Variants in DLG2 observed in about 807,000 individuals in gnomAD.
DLG2 encodes the protein discs large MAGUK scaffold protein 2, also known as disks large homolog 2.
A neutral mutation model predicts 132.5 loss-of-function variants in DLG2; 45 were observed. That is an observed-to-expected ratio of 0.34 (90% CI 0.27 to 0.44). DLG2 has a LOEUF of 0.44. Ranked by LOEUF, DLG2 falls within the 20% of genes least tolerant of loss-of-function variation. The pLI is 1.00. For synonymous variants in DLG2, 424 were observed against 419.6 expected, an observed-to-expected ratio of 1.01 and a Z score of -0.13; for missense variants, 1,045 against 1,196.9, an observed-to-expected ratio of 0.87 and a Z score of 1.87.
intron 18 of DLG2, among the ~76,000 whole-genome samples, chr11:83,702,518 A>G (rs1463179879): frequency 6.6e-6 from 1 of 152,200 alleles, no homozygotes; most frequent in East Asian, 1.9e-4. Context: ...GGTGATTTAC[A>G]TGGCAGGCTT....
intron 3 of DLG2, among the ~76,000 whole-genome samples, chr11:85,567,372 T>A (rs1442923731): frequency 2.0e-5 from 3 of 152,188 alleles, no homozygotes; most frequent in Non-Finnish European, 4.4e-5. Context: ...AGTCTTTCAC[T>A]TCCCTGTTTA....
At chr11:84,631,089 T>C (rs908658950) in intron 6 of DLG2, among the ~76,000 whole-genome samples, 1 of 66,096 alleles carries the variant, frequency 1.5e-5, no homozygotes, top group Non-Finnish European at 3.0e-5. Context: ...CTGTGAGCCA[T>C]CCCCACAGAG....
chr11:83,898,001 G>A (rs1443562353), intron 15 of DLG2, among the ~76,000 whole-genome samples: 1 of 152,090 alleles, frequency 6.6e-6, no homozygotes, highest in African/African-American at 2.4e-5. Context: ...AGATAGGATT[G>A]CCCCTTAGTC....
At chr11:85,059,046 G>A (rs989587983) in intron 6 of DLG2, among the ~76,000 whole-genome samples, 11 of 151,256 alleles carry the variant, frequency 7.3e-5, no homozygotes, top group Admixed American at 2.6e-4. Context: ...TTCAAAAGTC[G>A]CCGTTAGAAA....
intron 4 of DLG2, among the ~76,000 whole-genome samples, chr11:85,183,160 C>T (rs762063067): frequency 6.6e-6 from 1 of 151,844 alleles, no homozygotes; most frequent in African/African-American, 2.4e-5. Context: ...ATTTACCTTA[C>T]TGTCTGAAGT....
chr11:84,289,849 C>G (rs1433726959), intron 7 of DLG2, among the ~76,000 whole-genome samples: 1 of 152,164 alleles, frequency 6.6e-6, no homozygotes, highest in Non-Finnish European at 1.5e-5. Context: ...TTTTAGGATA[C>G]TGTGTGATGA....
chr11:84,337,430 T>A (rs928503316), intron 7 of DLG2, among the ~76,000 whole-genome samples: 13 of 152,178 alleles, frequency 8.5e-5, no homozygotes, highest in African/African-American at 2.9e-4. Context: ...ATTACTCATA[T>A]CTCCATTGTT....
intron 6 of DLG2, among the ~76,000 whole-genome samples, chr11:84,621,491 AATGAGCCTCCC>A (rs760186158): frequency 1.2e-4 from 19 of 152,170 alleles, no homozygotes; most frequent in Non-Finnish European, 2.4e-4. Context: ...CTGAAAAATA[AATGAGCCTCCC>A]ATGTACGCCT....
At chr11:85,288,500 A>C (rs1012365749) in intron 3 of DLG2, among the ~76,000 whole-genome samples, 13 of 152,046 alleles carry the variant, frequency 8.6e-5, no homozygotes, top group Admixed American at 2.0e-4. Context: ...CTCACGTATT[A>C]ATGGAGAGAA....
chr11:85,352,557 C>A (rs1279147166), intron 3 of DLG2, among the ~76,000 whole-genome samples: 1 of 152,100 alleles, frequency 6.6e-6, no homozygotes, highest in Non-Finnish European at 1.5e-5. Context: ...CTATAAATTT[C>A]CCTCTACACT....
intron 3 of DLG2, among the ~76,000 whole-genome samples, chr11:85,491,125 T>C (rs2153106263): frequency 6.6e-6 from 1 of 152,128 alleles, no homozygotes; most frequent in East Asian, 1.9e-4. Context: ...ATACTAGAGA[T>C]GCAACAAACG....
At chr11:83,954,740 A>G (rs913878414) in intron 14 of DLG2, among the ~76,000 whole-genome samples, 2 of 152,218 alleles carry the variant, frequency 1.3e-5, no homozygotes, top group African/African-American at 4.8e-5. Flanking sequence ...CAAATTTTCC[A>G]TCAAAAAATC....
chr11:83,582,461 C>G (rs2096997520), intron 19 of DLG2, among the ~76,000 whole-genome samples: 1 of 152,196 alleles, frequency 6.6e-6, no homozygotes, highest in Non-Finnish European at 1.5e-5. Context: ...ATGTCCCAGG[C>G]ATAGTGCTTG....
At chr11:85,579,860 C>T (rs893940874) in intron 3 of DLG2, among the ~76,000 whole-genome samples, 16 of 152,166 alleles carry the variant, frequency 1.1e-4, no homozygotes, top group African/African-American at 3.6e-4. Flanking sequence ...CCATAAAGAA[C>T]TTTGTATGCA....
intron 19 of DLG2, among the ~76,000 whole-genome samples, chr11:83,576,083 T>C (rs1276329212): frequency 6.6e-6 from 1 of 152,180 alleles, no homozygotes; most frequent in Non-Finnish European, 1.5e-5. Context: ...ATTAAACTTG[T>C]AGGCATAAAA....
At chr11:84,463,839 G>A (rs563605482) in intron 7 of DLG2, among the ~76,000 whole-genome samples, 210 of 151,144 alleles carry the variant, frequency 1.4e-3, no homozygotes, top group Non-Finnish European at 1.8e-3. Flanking sequence ...AAAATAAGAG[G>A]CATACAATAC....
rs2099213412 is a variant in DLG2 at position 84,502,232 on chromosome 11, T to TC, written c.519+32337_519+32338insG. Among the ~76,000 whole-genome samples, 8 of 23,606 alleles carry TC rather than the reference T, an allele frequency of 3.4e-4. 1 individual carries two copies. The highest frequency in any genetic ancestry group is 8.3e-4 in the Admixed American group (3 of 3,634). The allele number at this position is 23,606 out of a possible 152,430, so 15.5% of individuals were successfully genotyped here. On this transcript the variant is annotated intron_variant, in intron 7 of 27. Transcript: ENST00000376104. ...CTTCCTTCCTTCCTTCCTTCCTTCC[T>TC]TCCTTCCTTCCTTCCTTCCTTCCTT...
intron 6 of DLG2, among the ~76,000 whole-genome samples, chr11:85,091,426 G>A (rs188498384): frequency 7.9e-4 from 120 of 152,236 alleles, no homozygotes; most frequent in African/African-American, 2.8e-3. Context: ...ATGAAGACTG[G>A]GGTGGCTGTG....
In DLG2 at chr11:83,699,731, TAAA is replaced by T. The variant is rs529377912; in HGVS notation, c.1826-66409_1826-66407del. Among the ~76,000 whole-genome samples, 1,208 of 128,604 alleles carry T rather than the reference TAAA, an allele frequency of 9.4e-3. 21 individuals carry two copies. The highest frequency in any genetic ancestry group is 0.04 in the African/African-American group (1,141 of 28,844). 84.4% of individuals were successfully genotyped at this position (128,604 alleles called of 152,430 possible). On this transcript the variant is annotated intron_variant, in intron 18 of 27. Coordinates refer to ENST00000376104, the MANE Select transcript of DLG2 (RefSeq NM_001142699.3). ...TCTAAAAAAAAACATAATAATAATT[TAAA>T]AATAATAATAATAATAATAATAATA...
Sources: gnomAD v4.1 joint callset for allele counts (sites outside exome capture counted in the v4.1 genomes callset) on GRCh38, gnomAD v4.1.1 for gene constraint, MANE v1.5 for transcripts, NCBI Gene and HGNC (gene_info 2026-07-23, HGNC 2026-07-21) for gene names.